The following CHGA variants were observed in gnomAD, a reference collection of about 807,000 sequenced individuals.
CHGA encodes the protein chromogranin-A.
In CHGA, 41 loss-of-function variants were observed where a neutral mutation model predicts 54.4. That is an observed-to-expected ratio of 0.75 (90% CI 0.59 to 0.98). The LOEUF is 0.98. CHGA is among the 50% of genes least tolerant of loss of function. CHGA has a pLI of 0.00. For missense variants in CHGA, 576 were observed against 582.3 expected, an observed-to-expected ratio of 0.99 and a Z score of 0.11; for synonymous variants, 249 against 232.8, an observed-to-expected ratio of 1.07 and a Z score of -0.63.
At chr14:92,934,630 C>T (rs1887080317) in intron 7 of CHGA, among the ~76,000 whole-genome samples, 171 bp from the exon 8 acceptor site, 1 of 152,164 alleles carries the variant, frequency 6.6e-6, no homozygotes, top group African/African-American at 2.4e-5. Flanking sequence ...GCATAATGAT[C>T]CCGAGAGCAG....
At position 92,932,827 on chromosome 14, in the gene CHGA, G is replaced by A; in HGVS notation, c.1266G>A (p.Glu422=). The A allele has an allele frequency of 9.2e-6, 14 of 1,520,674 alleles. No individual in the cohort carries two copies. The highest frequency in any genetic ancestry group is 1.2e-5 in the Non-Finnish European group (14 of 1,132,394). 94.2% of individuals were successfully genotyped at this position (1,520,674 alleles called of 1,614,324 possible). A position where few individuals can be genotyped will look rare whatever the true frequency, so the allele number is the denominator to read the frequency against. ...RGYPEEKKEE[E]GSANRRPEDQ... is the part of the protein sequence containing the mutation. ...ACCCCGAGGAGAAGAAAGAGGAGGAGGGCAGCGCAAACCGCAGACCAGAGG... is the reference window on the plus strand; with the variant it reads ...ACCCCGAGGAGAAGAAAGAGGAGGAAGGCAGCGCAAACCGCAGACCAGAGG... Residue 422 remains glutamate, a synonymous_variant, in exon 7 of 8, where the codon GAG becomes GAA. Coordinates refer to ENST00000216492, the MANE Select transcript of CHGA (RefSeq NM_001275.4). The surrounding 1 kb of genome is among the most constrained non-coding windows in gnomAD (Gnocchi z 5.3).
At chr14:92,929,682 C>T (rs761814363) in intron 4 of CHGA, 35 bp from the exon 5 acceptor site, 7 of 1,585,882 alleles carry the variant, frequency 4.4e-6, no homozygotes, top group South Asian at 2.2e-5. Flanking sequence ...CACAGCTGCA[C>T]CCAATGGGAC....
At position 92,926,693 on chromosome 14, in the gene CHGA, G is replaced by C; in HGVS notation, c.182G>C (p.Arg61Pro). Residue 61 changes from arginine (R) to proline (P), a missense_variant, in exon 3 of 8, where the codon CGA (arginine) becomes CCA (proline). By Grantham distance (103) the Arg-to-Pro change is moderately radical (BLOSUM62 -2). Coordinates refer to ENST00000216492, the MANE Select transcript of CHGA (RefSeq NM_001275.4). ...AGCCAGGAATGTTTTGAGACACTCC[G>C]AGGAGGTATGAGCTGGAGGCTAGGG... ...PVSQECFETL[R>P]GDERILSILR... The C allele has an allele frequency of 6.2e-7, 1 of 1,613,824 alleles. No homozygotes were observed. Among genetic ancestry groups the C allele is most frequent in the Non-Finnish European group, 8.5e-7 (1 of 1,179,878 alleles).
At position 92,932,283 on chromosome 14, in the gene CHGA, G is replaced by A. The variant is rs776903552; in HGVS notation, c.809-87G>A. ...ACTGTGGAGAGGCTGGGCTGTGGCC[G>A]CAGCAGAGGCCCCCAGGGAGTGGCA... On this transcript the variant is annotated intron_variant, in intron 6 of 7. Coordinates refer to ENST00000216492, the MANE Select transcript of CHGA (RefSeq NM_001275.4). The surrounding 1 kb of genome is among the most constrained non-coding windows in gnomAD (Gnocchi z 5.3). The A allele has an allele frequency of 1.9e-5, 27 of 1,452,416 alleles. No homozygotes were observed. The highest frequency in any genetic ancestry group is 7.6e-5 in the Admixed American group (3 of 39,524). 90.0% of individuals were successfully genotyped at this position (1,452,416 alleles called of 1,614,324 possible).
chr14:92,926,934 G>A (rs1358307060), intron 3 of CHGA, among the ~76,000 whole-genome samples: 1 of 152,198 alleles, frequency 6.6e-6, no homozygotes, highest in East Asian at 1.9e-4. Flanking sequence ...TAGAACTCTG[G>A]GCAAAATAAA....
intron 5 of CHGA, 57 bp from the exon 6 acceptor site, chr14:92,931,193 G>T: frequency 6.6e-7 from 1 of 1,505,920 alleles, no homozygotes; most frequent in Non-Finnish European, 9.0e-7. Context: ...AGCCTGTGGG[G>T]AGGCCCCACA....
In CHGA at chr14:92,931,521, T is replaced by A; in HGVS notation, c.627T>A (p.Gly209=). 1 of 1,611,192 alleles carries A rather than the reference T, an allele frequency of 6.2e-7. No homozygotes were observed. The highest frequency in any genetic ancestry group is 8.5e-7 in the Non-Finnish European group (1 of 1,179,454). The change falls in exon 6 of 8, where the codon GGT becomes GGA. Residue 209 remains glycine (G), a synonymous_variant. Coordinates refer to ENST00000216492, the MANE Select transcript of CHGA (RefSeq NM_001275.4). ...AEGDSEGLSQ[G]LVDREKGLSA... ...GGGACAGTGAGGGCCTCTCTCAGGG[T>A]CTGGTGGACAGAGAGAAGGGCCTGA...
chr14:92,932,774 G>A lies in CHGA; in HGVS notation c.1213G>A (p.Ala405Thr). 1.3e-6 allele frequency: 2 copies of A among 1,594,506 alleles called. No individual in the cohort carries two copies. The highest frequency in any genetic ancestry group is 1.7e-6 in the Non-Finnish European group (2 of 1,170,310). The change falls in exon 7 of 8, where the codon GCG (alanine) becomes ACG (threonine). Residue 405 changes from alanine (A) to threonine (T), a missense_variant. Transcript: ENST00000216492. The surrounding 1 kb of genome is among the most constrained non-coding windows in gnomAD (Gnocchi z 5.3). ...RPSSREDSLE[A>T]GLPLQVRGYP... ...ATCCTCCCGGGAGGACAGCCTTGAG[G>A]CGGGCCTGCCCCTCCAGGTCCGAGG...
chr14:92,927,484 A>G (rs1202182171), intron 3 of CHGA, 66 bp from the exon 4 acceptor site: 1 of 1,322,490 alleles, frequency 7.6e-7, no homozygotes, highest in Admixed American at 1.9e-5. Context: ...AGCTGAAAAT[A>G]TTGATGGTAA....
In CHGA at chr14:92,932,651, G is replaced by C; in HGVS notation, c.1090G>C (p.Glu364Gln). Residue 364 changes from glutamate (E) to glutamine (Q), a missense_variant, in exon 7 of 8, where the codon GAG becomes CAG. Physicochemically the swap from Glu to Gln is conservative, Grantham distance 29. Coordinates refer to ENST00000216492, the MANE Select transcript of CHGA (RefSeq NM_001275.4). This position sits in a 1 kb window ranked among gnomAD's most constrained non-coding sequence, Gnocchi z 5.3. ...AEKRLEGQEE[E>Q]EDNRDSSMKL... ...GAAGCGGCTGGAGGGGCAGGAGGAGGAGGAGGACAACCGGGACAGTTCCAT... is the reference window on the plus strand; with the variant it reads ...GAAGCGGCTGGAGGGGCAGGAGGAGCAGGAGGACAACCGGGACAGTTCCAT... The C allele has an allele frequency of 6.3e-7, 1 of 1,599,660 alleles. No individual in the cohort carries two copies. The highest frequency in any genetic ancestry group is 8.5e-7 in the Non-Finnish European group (1 of 1,175,466).
At position 92,929,343 on chromosome 14, in the gene CHGA, G is replaced by A. The variant is rs573171418; in HGVS notation, c.257-374G>A. The stretch of plus-strand genomic sequence containing the variant: ...CCACCCCCAACTCCTGCCCAGCCAG[G>A]TCCTGAGGGGTTCCCCACCCCCAAC... On this transcript the variant is annotated intron_variant, in intron 4 of 7. Transcript: ENST00000216492. 6.5e-3 allele frequency among the ~76,000 whole-genome samples: 938 copies of A among 143,688 alleles called. 20 individuals are homozygous for A. Among genetic ancestry groups the A allele is most frequent in the African/African-American group, 0.026 (877 of 33,978 alleles). 94.3% of individuals were successfully genotyped at this position (143,688 alleles called of 152,430 possible).
At chr14:92,922,717 G>A (rs997807622), upstream of CHGA, among the ~76,000 whole-genome samples, 3 of 152,354 alleles carry the variant, frequency 2.0e-5, no homozygotes, top group Middle Eastern at 6.8e-3. Flanking sequence ...AGATATTGGA[G>A]AGAGCCATGA....
At chr14:92,926,276 T>C in intron 2 of CHGA, 1 of 316,690 alleles carries the variant, frequency 3.2e-6, no homozygotes, top group Non-Finnish European at 6.0e-6. Context: ...AGTTTTCTCA[T>C]GTTTAGAGAA....
chr14:92,931,467 C>A lies in CHGA; in HGVS notation c.573C>A (p.Ser191Arg). ...TNTHPPASLP[S>R]QKYPGPQAEG... ...CCCACCCTCCAGCCAGCCTCCCCAG[C>A]CAGAAATACCCAGGCCCACAGGCCG... Residue 191 changes from serine (S) to arginine (R), a missense_variant, in exon 6 of 8, where the codon AGC (serine) becomes AGA (arginine). Physicochemically the swap from Ser to Arg is moderately radical, Grantham distance 110. Transcript: ENST00000216492. The A allele has an allele frequency of 6.2e-7, 1 of 1,610,844 alleles. No homozygotes were observed. Among genetic ancestry groups the A allele is most frequent in the Non-Finnish European group, 8.5e-7 (1 of 1,179,014 alleles).
In CHGA at chr14:92,934,890, C is replaced by T. The variant is rs373342226; in HGVS notation, c.*6C>T. The T allele has an allele frequency of 5.6e-5, 87 of 1,555,850 alleles. No individual in the cohort carries two copies. The highest frequency in any genetic ancestry group is 3.7e-4 in the South Asian group (31 of 83,244). On this transcript the variant is annotated 3_prime_UTR_variant, in exon 8 of 8. Coordinates refer to ENST00000216492, the MANE Select transcript of CHGA (RefSeq NM_001275.4). ...AGGCACTACGGCGGGGCTGAGACAC[C>T]GGCTGGCAGGGCTGGCCCCAGGGCA...
Position 92,923,231 on chromosome 14 carries a change from G to A in CHGA, c.-129G>A. The A allele has an allele frequency of 1.3e-6, 1 of 775,104 alleles. No homozygotes were observed. The highest frequency in any genetic ancestry group is 5.9e-5 in the South Asian group (1 of 17,054). 48.0% of individuals were successfully genotyped at this position (775,104 alleles called of 1,614,324 possible). On this transcript the variant is annotated 5_prime_UTR_variant, in exon 1 of 8. Transcript: ENST00000216492. ...ATCGACCGACAGACGGACGCACGCC[G>A]AGGCACTGCGCCCCCAGCCCCGCGC...
Position 92,931,302 on chromosome 14 carries a change from C to T in CHGA, c.408C>T (p.Ser136=), listed in dbSNP as rs775314152. Residue 136 remains serine (S), a synonymous_variant, in exon 6 of 8, where the codon TCC becomes TCT. Transcript: ENST00000216492. ...SKDVMEKRED[S]KEAEKSGEAT... ...ATGTTATGGAGAAAAGAGAGGATTC[C>T]AAGGAGGCAGAGAAAAGTGGTGAAG... The T allele has an allele frequency of 6.2e-7, 1 of 1,613,628 alleles. No homozygotes were observed. Among genetic ancestry groups the T allele is most frequent in the South Asian group, 1.1e-5 (1 of 91,066 alleles).
chr14:92,930,332 C>T (rs1325007684), intron 5 of CHGA, among the ~76,000 whole-genome samples: 5 of 152,220 alleles, frequency 3.3e-5, no homozygotes, highest in Non-Finnish European at 7.3e-5. Flanking sequence ...ACACTCTGAG[C>T]CATCCTCCCT....
Position 92,924,254 on chromosome 14 carries a change from G to C in CHGA, c.93+9G>C, listed in dbSNP as rs767746100. ...ATAAAGGGGATACCGAGGTAAGAAG[G>C]GGTGCTGGGGATGAGGGGTAGGAGG... On this transcript the variant is annotated intron_variant, in intron 2 of 7. Transcript: ENST00000216492. 6.2e-7 allele frequency: 1 copy of C among 1,610,984 alleles called. No individual in the cohort carries two copies. Among genetic ancestry groups the C allele is most frequent in the South Asian group, 1.1e-5 (1 of 90,078 alleles).
Sources: allele counts gnomAD v4.1 joint callset (sites outside exome capture counted in the v4.1 genomes callset), GRCh38; gene constraint gnomAD v4.1.1; non-coding constraint Gnocchi (gnomAD v3.1); transcripts MANE v1.5; gene names NCBI Gene and HGNC (gene_info 2026-07-23, HGNC 2026-07-21).